The following ITPR1 variants were observed in gnomAD, a reference collection of about 807,000 sequenced individuals.
ITPR1 encodes the protein inositol 1,4,5-trisphosphate receptor type 1.
Under a neutral mutation model 318.4 loss-of-function variants are expected in ITPR1, and 96 were observed. The ratio of observed to expected loss-of-function variants is 0.30; its 90% CI spans 0.26 to 0.36. The LOEUF (loss-of-function observed/expected upper bound fraction) is 0.36. Among genes scored for constraint, ITPR1 ranks in the 10% least tolerant of loss-of-function variants. The pLI is 1.00. For synonymous variants in ITPR1, 1,312 were observed against 1,289.9 expected (o/e 1.02, Z -0.37); for missense variants, 2,440 against 3,460.2 (o/e 0.71, Z 7.40).
intron 4 of ITPR1, among the ~76,000 whole-genome samples, chr3:4,553,537 C>T (rs987992802): frequency 1.3e-5 from 2 of 151,888 alleles, no homozygotes; most frequent in African/African-American, 4.8e-5. Flanking sequence ...CTTAAGCAGT[C>T]CTCCCACCTC....
intron 44 of ITPR1, among the ~76,000 whole-genome samples, chr3:4,760,004 T>TG: frequency 6.6e-6 from 1 of 152,368 alleles, no homozygotes; most frequent in Non-Finnish European, 1.5e-5. Flanking sequence ...CTGGGACTGG[T>TG]GCTGAGGATC....
At chr3:4,728,190 G>A (rs556962002) in intron 42 of ITPR1, among the ~76,000 whole-genome samples, 1 of 151,962 alleles carries the variant, frequency 6.6e-6, no homozygotes, top group Admixed American at 6.6e-5. Context: ...TGTTTTTAAG[G>A]TGCTGACTGT....
At chr3:4,795,272 T>C in intron 53 of ITPR1, 85 bp downstream of exon 53, 2 of 1,378,638 alleles carry the variant, frequency 1.5e-6, no homozygotes, top group East Asian at 2.4e-5. Flanking sequence ...CCTGGATGTA[T>C]TGGTGCAGTA....
chr3:4,812,282 C>A (rs2048988252), intron 56 of ITPR1, among the ~76,000 whole-genome samples: 1 of 152,112 alleles, frequency 6.6e-6, no homozygotes, highest in South Asian at 2.1e-4. Context: ...AGGCGATCCC[C>A]CAGCTTTAGC....
At chr3:4,686,172 G>C (rs1379029319) in intron 30 of ITPR1, among the ~76,000 whole-genome samples, 1 of 152,184 alleles carries the variant, frequency 6.6e-6, no homozygotes, top group African/African-American at 2.4e-5. Context: ...GGATGGCACA[G>C]CTGTGTAGAG....
intron 30 of ITPR1, among the ~76,000 whole-genome samples, chr3:4,686,797 C>T (rs2094402511): frequency 6.6e-6 from 1 of 152,224 alleles, no homozygotes; most frequent in Non-Finnish European, 1.5e-5. Context: ...TTAGCTTGTG[C>T]ACCAGCAGAT....
chr3:4,647,263 A>G (rs2093479680), intron 10 of ITPR1, among the ~76,000 whole-genome samples: 1 of 152,202 alleles, frequency 6.6e-6, no homozygotes, highest in South Asian at 2.1e-4. Context: ...ATACTCCATC[A>G]TATGGATACA....
At chr3:4,586,796 A>G (rs1226873013) in intron 4 of ITPR1, among the ~76,000 whole-genome samples, 1 of 149,824 alleles carries the variant, frequency 6.7e-6, no homozygotes, top group Non-Finnish European at 1.5e-5. Flanking sequence ...TTAAATGCAT[A>G]TTGGTTTGTT....
At chr3:4,739,661 G>A (rs1455100523) in intron 44 of ITPR1, among the ~76,000 whole-genome samples, 7 of 152,202 alleles carry the variant, frequency 4.6e-5, no homozygotes, top group African/African-American at 1.7e-4. Context: ...TCCACCTGTA[G>A]TTATCTGTCA....
At chr3:4,651,756 T>A (rs2093603744) in intron 10 of ITPR1, among the ~76,000 whole-genome samples, 1 of 152,224 alleles carries the variant, frequency 6.6e-6, no homozygotes, top group Non-Finnish European at 1.5e-5. Flanking sequence ...TTCTAGCACA[T>A]GAGTACATGC....
Position 4,779,401 on chromosome 3 carries a change from T to G in ITPR1, c.6292-149T>G. 1.7e-6 allele frequency: 1 copy of G among 586,822 alleles called. No homozygotes were observed. The highest frequency in any genetic ancestry group is 3.2e-6 in the Non-Finnish European group (1 of 310,142). The allele number at this position is 586,822 out of a possible 1,614,324, so 36.4% of individuals were successfully genotyped here. A position where few individuals can be genotyped will look rare whatever the true frequency, so the allele number is the denominator to read the frequency against. ...TGCTCTCTGCCTGGTGCAGATGGAT[T>G]TTGATGTCCTTAACCCAGAGCTTCC... On this transcript the variant is annotated intron_variant, in intron 48 of 61. Coordinates refer to ENST00000649015, the MANE Select transcript of ITPR1 (RefSeq NM_001378452.1). The surrounding 1 kb of genome is among the most constrained non-coding windows in gnomAD (Gnocchi z 4.0).
chr3:4,542,788 AG>A (rs1307624252), intron 4 of ITPR1, among the ~76,000 whole-genome samples: 1 of 152,130 alleles, frequency 6.6e-6, no homozygotes, highest in Non-Finnish European at 1.5e-5. Flanking sequence ...TCATAATGGA[AG>A]GTTATTAGGT....
intron 4 of ITPR1, among the ~76,000 whole-genome samples, chr3:4,527,449 A>C (rs1168095370): frequency 6.6e-6 from 1 of 152,126 alleles, no homozygotes; most frequent in Non-Finnish European, 1.5e-5. Context: ...TGCTGGGATT[A>C]CTGGTGTGAG....
In ITPR1 at chr3:4,528,486, G is replaced by A. The variant is rs1283137494; in HGVS notation, c.163+7392G>A. On this transcript the variant is annotated intron_variant, in intron 4 of 61. Coordinates refer to ENST00000649015, the MANE Select transcript of ITPR1 (RefSeq NM_001378452.1). Reference sequence around the variant, plus strand: ...AAACGACCCTCCTTTGCCGCACATTGTTTTAAATGTTGCTAAGCAACAGTA... The same window carrying A: ...AAACGACCCTCCTTTGCCGCACATTATTTTAAATGTTGCTAAGCAACAGTA... Among the ~76,000 whole-genome samples the A allele has an allele frequency of 3.3e-5, 5 of 152,124 alleles. No individual in the cohort carries two copies. The East Asian group carries it at 9.6e-4, about 29-fold the overall frequency.
chr3:4,524,579 G>C (rs1367765651), intron 4 of ITPR1, among the ~76,000 whole-genome samples: 1 of 152,136 alleles, frequency 6.6e-6, no homozygotes, highest in Non-Finnish European at 1.5e-5. Context: ...CAGCAGAGCT[G>C]CATGTAGTCA....
intron 10 of ITPR1, among the ~76,000 whole-genome samples, chr3:4,648,102 AGAG>A (rs1257457216): frequency 1.3e-5 from 2 of 152,124 alleles, no homozygotes; most frequent in Non-Finnish European, 2.9e-5. Flanking sequence ...TGGTAAGCCG[AGAG>A]TGCACCATTG....
chr3:4,824,717 C>T (rs148403981), intron 60 of ITPR1, among the ~76,000 whole-genome samples: 12 of 152,096 alleles, frequency 7.9e-5, no homozygotes, highest in Non-Finnish European at 1.0e-4. Context: ...GGATACTGAC[C>T]GGCTCATGCA....
intron 4 of ITPR1, among the ~76,000 whole-genome samples, chr3:4,596,865 T>G (rs1374346403): frequency 6.6e-6 from 1 of 152,222 alleles, no homozygotes; most frequent in Non-Finnish European, 1.5e-5. Flanking sequence ...GGAAACAAGT[T>G]GACTTTATAT....
chr3:4,666,243 G>GT (rs1458102024), intron 17 of ITPR1, among the ~76,000 whole-genome samples: 1 of 152,134 alleles, frequency 6.6e-6, no homozygotes, highest in African/African-American at 2.4e-5. Context: ...GACTTTTAGA[G>GT]TTTTTTCTTT....
Sources: allele counts gnomAD v4.1 joint callset (sites outside exome capture counted in the v4.1 genomes callset), GRCh38; gene constraint gnomAD v4.1.1; non-coding constraint Gnocchi (gnomAD v3.1); transcripts MANE v1.5; gene names NCBI Gene and HGNC (gene_info 2026-07-23, HGNC 2026-07-21).